Variants in CEP85L observed in about 807,000 individuals in gnomAD.
The protein encoded by CEP85L is centrosomal protein 85L, also known as centrosomal protein of 85 kDa-like.
A neutral mutation model predicts 100.3 loss-of-function variants in CEP85L; 60 were observed. The ratio of observed to expected loss-of-function variants is 0.60; its 90% CI spans 0.49 to 0.74. The LOEUF is 0.74. Ranked by LOEUF, CEP85L falls within the 30% of genes least tolerant of loss-of-function variation. CEP85L has a pLI of 0.00. For missense variants in CEP85L, 973 were observed against 936.2 expected, an observed-to-expected ratio of 1.04 and a Z score of -0.51; for synonymous variants, 319 against 322.7, an observed-to-expected ratio of 0.99 and a Z score of 0.12.
At chr6:118,554,620 T>A (rs890613507) in intron 3 of CEP85L, among the ~76,000 whole-genome samples, 1 of 152,170 alleles carries the variant, frequency 6.6e-6, no homozygotes, top group African/African-American at 2.4e-5. Context: ...TACAAACATG[T>A]AAATTGAAAT....
intron 7 of CEP85L, among the ~76,000 whole-genome samples, chr6:118,482,191 T>G (rs1773841642): frequency 6.6e-6 from 1 of 152,196 alleles, no homozygotes; most frequent in African/African-American, 2.4e-5. Context: ...ATTCTCATTT[T>G]AAATTTATTT....
intron 2 of CEP85L, among the ~76,000 whole-genome samples, chr6:118,577,578 C>G (rs184335263): frequency 1.3e-5 from 2 of 152,210 alleles, no homozygotes; most frequent in East Asian, 3.9e-4. Flanking sequence ...CCATAATCAA[C>G]AGCAGTTTGT....
At chr6:118,611,128 T>C (rs559077146) in intron 2 of CEP85L, among the ~76,000 whole-genome samples, 13 of 152,200 alleles carry the variant, frequency 8.5e-5, no homozygotes, top group South Asian at 2.1e-4. Context: ...TAAAATAGGC[T>C]TTCCTTCTTC....
chr6:118,560,336 C>A (rs1439583720), intron 3 of CEP85L: 3 of 166,786 alleles, frequency 1.8e-5, no homozygotes, highest in Non-Finnish European at 4.4e-5. Flanking sequence ...TATATTCCTA[C>A]AATAAAGTAA....
intron 1 of CEP85L, among the ~76,000 whole-genome samples, chr6:118,685,016 G>A (rs1776786851): frequency 6.6e-6 from 1 of 152,066 alleles, no homozygotes; most frequent in Non-Finnish European, 1.5e-5. Context: ...ACCAAGAAAT[G>A]AACCCTGACG....
intron 5 of CEP85L, among the ~76,000 whole-genome samples, chr6:118,492,073 T>A (rs1436917258): frequency 6.6e-6 from 1 of 152,128 alleles, no homozygotes; most frequent in Non-Finnish European, 1.5e-5. Flanking sequence ...TTTTCTCATC[T>A]CTAAAACAGA....
At position 118,577,786 on chromosome 6, in the gene CEP85L, A is replaced by G. The variant is rs147734898; in HGVS notation, c.233-11470T>C. The stretch of plus-strand genomic sequence containing the variant: ...GCCAAAAATTCTAAAATAGAATTCT[A>G]GAATTCTTCTCTAGTCTCACGGAAA... On this transcript the variant is annotated intron_variant, in intron 2 of 12. Coordinates refer to ENST00000368491, the MANE Select transcript of CEP85L (RefSeq NM_001042475.3). 6.8e-3 allele frequency among the ~76,000 whole-genome samples: 1,043 copies of G among 152,354 alleles called. 7 individuals carry two copies. Among genetic ancestry groups the G allele is most frequent in the African/African-American group, 0.015 (608 of 41,586 alleles).
Position 118,651,327 on chromosome 6 carries a change from G to A in CEP85L, c.-58C>T. ...CCCGACTCCTCACGTCCGTCCTCCT[G>A]CTTCTTCGGCGGCGGAAACTTGCGC... On this transcript the variant is annotated 5_prime_UTR_variant, in exon 1 of 13. Transcript: ENST00000368491. 7.2e-7 allele frequency: 1 copy of A among 1,393,804 alleles called. No individual in the cohort carries two copies. The highest frequency in any genetic ancestry group is 9.3e-7 in the Non-Finnish European group (1 of 1,074,920). The allele number at this position is 1,393,804 out of a possible 1,614,324, so 86.3% of individuals were successfully genotyped here. A position where few individuals can be genotyped will look rare whatever the true frequency, so the allele number is the denominator to read the frequency against.
chr6:118,645,309 T>C (rs1285930644), intron 1 of CEP85L, among the ~76,000 whole-genome samples: 3 of 152,198 alleles, frequency 2.0e-5, no homozygotes, highest in Non-Finnish European at 4.4e-5. Flanking sequence ...CAATCTTCTT[T>C]TCCTCTTAGT....
At chr6:118,660,916 C>T (rs1218722504) in intron 1 of CEP85L, among the ~76,000 whole-genome samples, 1 of 150,488 alleles carries the variant, frequency 6.6e-6, no homozygotes, top group East Asian at 1.9e-4. Flanking sequence ...GACGGAGTCT[C>T]GCACTGTCGC....
intron 3 of CEP85L, among the ~76,000 whole-genome samples, chr6:118,529,812 G>C (rs999550981): frequency 3.9e-5 from 6 of 151,974 alleles, no homozygotes; most frequent in Non-Finnish European, 1.5e-5. Context: ...ATATGATTGT[G>C]GAAAAGGAGG....
At chr6:118,684,245 T>C (rs1025390356) in intron 1 of CEP85L, among the ~76,000 whole-genome samples, 3 of 152,226 alleles carry the variant, frequency 2.0e-5, no homozygotes, top group African/African-American at 7.2e-5. Context: ...GCATCTTTGC[T>C]GTTTATGATC....
intron 1 of CEP85L, among the ~76,000 whole-genome samples, chr6:118,702,655 C>G (rs2114366581): frequency 6.6e-6 from 1 of 152,290 alleles, no homozygotes; most frequent in Admixed American, 6.5e-5. Context: ...TTTTCCAAGT[C>G]TGGTGAATTT....
chr6:118,638,771 G>A (rs958586900), intron 1 of CEP85L, among the ~76,000 whole-genome samples: 19 of 151,770 alleles, frequency 1.3e-4, no homozygotes, highest in African/African-American at 3.9e-4. Flanking sequence ...AATACTGAGT[G>A]CCTGCGGATA....
intron 3 of CEP85L, among the ~76,000 whole-genome samples, chr6:118,557,882 A>G (rs1201745623): frequency 1.3e-5 from 2 of 152,040 alleles, no homozygotes; most frequent in African/African-American, 4.8e-5. Flanking sequence ...TCATTTCTCA[A>G]ACATGATTCC....
At chr6:118,664,800 A>G (rs1342217680) in intron 1 of CEP85L, among the ~76,000 whole-genome samples, 1 of 152,106 alleles carries the variant, frequency 6.6e-6, no homozygotes, top group Non-Finnish European at 1.5e-5. Context: ...AAACAAAGCC[A>G]TTACCTATTC....
intron 10 of CEP85L, among the ~76,000 whole-genome samples, chr6:118,474,880 T>C (rs1040206855): frequency 3.3e-5 from 5 of 152,204 alleles, no homozygotes; most frequent in Non-Finnish European, 7.4e-5. Context: ...ATAGGCTAAA[T>C]CCATAGACTA....
At chr6:118,680,614 C>T (rs542020243) in intron 1 of CEP85L, among the ~76,000 whole-genome samples, 5 of 152,204 alleles carry the variant, frequency 3.3e-5, no homozygotes, top group South Asian at 4.1e-4. Context: ...CAGTGGCTCA[C>T]GCCTATAATC....
intron 1 of CEP85L, among the ~76,000 whole-genome samples, chr6:118,709,525 C>G (rs1777712635): frequency 1.6e-4 from 2 of 12,532 alleles, no homozygotes; most frequent in African/African-American, 4.0e-4. Flanking sequence ...CCAGTAACAA[C>G]AATTGGCGTG....
Sources: gnomAD v4.1 joint callset for allele counts (sites outside exome capture counted in the v4.1 genomes callset) on GRCh38, gnomAD v4.1.1 for gene constraint, MANE v1.5 for transcripts, NCBI Gene and HGNC (gene_info 2026-07-23, HGNC 2026-07-21) for gene names.